Variants in PPFIA4 observed in about 807,000 individuals in gnomAD.
PPFIA4 encodes the protein PPFI scaffold protein A4.
In PPFIA4, 98 loss-of-function variants were observed where a neutral mutation model predicts 145.7. The observed-to-expected ratio is 0.67, with a 90% CI of 0.57 to 0.80. The LOEUF (loss-of-function observed/expected upper bound fraction) is 0.80. PPFIA4 is among the 30% of genes least tolerant of loss of function. The pLI, the probability that PPFIA4 is intolerant of heterozygous loss-of-function variation, is 0.00. For missense variants in PPFIA4, 1,457 were observed against 1,632.7 expected (o/e 0.89, Z 1.85); for synonymous variants, 628 against 649.6 (o/e 0.97, Z 0.51).
chr1:203,027,462 C>A (rs995831777), intron 1 of PPFIA4, among the ~76,000 whole-genome samples: 1 of 152,122 alleles, frequency 6.6e-6, no homozygotes. Context: ...GCTGATGTCA[C>A]CTTTGAGGAG....
intron 9 of PPFIA4, among the ~76,000 whole-genome samples, chr1:203,046,699 A>G (rs1660113477): frequency 6.7e-6 from 1 of 149,820 alleles, no homozygotes. Flanking sequence ...CGTCGTGGTG[A>G]ACACTTTCTT....
chr1:203,061,530 C>A, intron 23 of PPFIA4, 122 bp from the exon 24 acceptor site: 1 of 1,009,632 alleles, frequency 9.9e-7, no homozygotes, highest in Non-Finnish European at 1.4e-6. Flanking sequence ...GACGAGCTTT[C>A]CCCAGTCACC....
intron 17 of PPFIA4, 39 bp from the exon 18 acceptor site, chr1:203,056,336 C>A: frequency 6.2e-7 from 1 of 1,608,924 alleles, no homozygotes; most frequent in Non-Finnish European, 8.5e-7. Context: ...GGCCCGAGAT[C>A]TCTCCCTCTA....
Position 203,044,737 on chromosome 1 carries a change from G to T in PPFIA4, c.618G>T (p.Ala206=), listed in dbSNP as rs757998957. 1.3e-6 allele frequency: 2 copies of T among 1,565,580 alleles called. No individual in the cohort carries two copies. Among genetic ancestry groups the T allele is most frequent in the East Asian group, 4.7e-5 (2 of 42,548 alleles). The change falls in exon 6 of 30, where the codon GCG becomes GCT. Residue 206 remains alanine, a synonymous_variant. Coordinates refer to ENST00000295706, the MANE Select transcript of PPFIA4 (RefSeq NM_001304331.2). Reference sequence around the variant, plus strand: ...AGGGGGCAGGGGTGCGGGATGGAGCGGCAGAAGAGGAGGGGACTGTGGAGC... The same window carrying T: ...AGGGGGCAGGGGTGCGGGATGGAGCTGCAGAAGAGGAGGGGACTGTGGAGC... ...LQQGAGVRDG[A]AEEEGTVELG...
rs780863688 is a variant in PPFIA4 at position 203,045,969 on chromosome 1, G to T, written c.987G>T (p.Lys329Asn). The T allele has an allele frequency of 6.2e-6, 10 of 1,612,728 alleles. No homozygotes were observed. Among genetic ancestry groups the T allele is most frequent in the Non-Finnish European group, 6.8e-6 (8 of 1,179,870 alleles). The part of the protein sequence containing the change: ...NDKLENELAN[K>N]ESLHRQCEEK... ...AGCTGGAGAATGAGCTGGCCAACAA[G>T]GAGTCCCTGCACCGCCAGGTACCTC... is the stretch of plus-strand genomic sequence containing the variant. The change falls in exon 8 of 30, where the codon AAG (lysine) becomes AAT (asparagine). Residue 329 changes from lysine to asparagine, a missense_variant. Around this residue, in one of 3 missense-constraint regions of PPFIA4, gnomAD observed 463 missense variants for 459.8 expected, o/e 1.01. Coordinates refer to ENST00000295706, the MANE Select transcript of PPFIA4 (RefSeq NM_001304331.2).
chr1:203,048,769 G>A lies in PPFIA4; in HGVS notation c.1356+55G>A. On this transcript the variant is annotated intron_variant, in intron 11 of 29. Coordinates refer to ENST00000295706, the MANE Select transcript of PPFIA4 (RefSeq NM_001304331.2). The surrounding 1 kb of genome is among the most constrained non-coding windows in gnomAD (Gnocchi z 5.8). ...GAGGTTAGTGCTGGGTGTGGGGCGGGGGGAGGCGGGACTGTGATGGGCGCA... is the reference window on the plus strand; with the variant it reads ...GAGGTTAGTGCTGGGTGTGGGGCGGAGGGAGGCGGGACTGTGATGGGCGCA... 1 of 1,577,110 alleles carries A rather than the reference G, an allele frequency of 6.3e-7. No individual in the cohort carries two copies. Among genetic ancestry groups the A allele is most frequent in the East Asian group, 2.3e-5 (1 of 43,500 alleles).
At chr1:203,056,655 G>T in intron 18 of PPFIA4, 129 bp from the exon 19 acceptor site, 1 of 1,321,144 alleles carries the variant, frequency 7.6e-7, no homozygotes, top group Non-Finnish European at 1.0e-6. Flanking sequence ...GGGAGTTCAT[G>T]TGTCTCCTTT....
At chr1:203,051,484 T>G in intron 13 of PPFIA4, 2 of 646,814 alleles carry the variant, frequency 3.1e-6, no homozygotes, top group Admixed American at 4.6e-5. Context: ...AGCCACCAGT[T>G]GCATCGTAAG....
chr1:203,046,748 T>G (rs972544629), intron 9 of PPFIA4, among the ~76,000 whole-genome samples: 1 of 151,794 alleles, frequency 6.6e-6, no homozygotes, highest in African/African-American at 2.4e-5. Context: ...GACTTTCATC[T>G]CTGGAAAGGT....
At chr1:203,040,357 A>G (rs2102624713) in intron 2 of PPFIA4, among the ~76,000 whole-genome samples, 1 of 152,352 alleles carries the variant, frequency 6.6e-6, no homozygotes, top group Non-Finnish European at 1.5e-5. Flanking sequence ...GGAGCCGAAG[A>G]GCTCAAGCCT....
Position 203,043,548 on chromosome 1 carries a change from GTA to G in PPFIA4, c.336+52_336+53del. On this transcript the variant is annotated intron_variant, in intron 3 of 29. Coordinates refer to ENST00000295706, the MANE Select transcript of PPFIA4 (RefSeq NM_001304331.2). The surrounding 1 kb of genome is among the most constrained non-coding windows in gnomAD (Gnocchi z 4.4). ...CGCGCGCGCACGTGTGTGTGTGTGT[GTA>G]TGGGGGTGTGTTGTGAACACCTTGA... The G allele has an allele frequency of 7.0e-7, 1 of 1,422,876 alleles. No homozygotes were observed. The highest frequency in any genetic ancestry group is 9.7e-7 in the Non-Finnish European group (1 of 1,028,342). 88.1% of individuals were successfully genotyped at this position (1,422,876 alleles called of 1,614,324 possible).
At position 203,078,008 on chromosome 1, in the gene PPFIA4, G is replaced by C. The variant is rs564547842; in HGVS notation, c.*1618G>C. 1 of 152,430 alleles carries C rather than the reference G, an allele frequency of 6.6e-6. No homozygotes were observed. Among genetic ancestry groups the C allele is most frequent in the African/African-American group, 2.4e-5 (1 of 41,592 alleles). 9.4% of individuals were successfully genotyped at this position (152,430 alleles called of 1,614,324 possible). A position where few individuals can be genotyped will look rare whatever the true frequency, so the allele number is the denominator to read the frequency against. ...GTGAGATAATGGGCCAGGGCACCCA[G>C]TCCAGAAGGAGCAATGGCACCTGGG... is the stretch of plus-strand genomic sequence containing the variant. On this transcript the variant is annotated 3_prime_UTR_variant, in exon 30 of 30. Transcript: ENST00000295706.
chr1:203,032,822 G>C (rs912384237), intron 1 of PPFIA4, among the ~76,000 whole-genome samples: 2 of 152,092 alleles, frequency 1.3e-5, no homozygotes, highest in African/African-American at 4.8e-5. Flanking sequence ...TGAAACCTGT[G>C]TTCTGGTGTG....
intron 20 of PPFIA4, 55 bp downstream of exon 20, chr1:203,059,326 C>G: frequency 7.2e-7 from 1 of 1,379,876 alleles, no homozygotes; most frequent in Non-Finnish European, 1.0e-6. Context: ...CTACCCACTT[C>G]CCTTCCCCTG....
chr1:203,061,216 G>A (rs186183621), intron 23 of PPFIA4, 184 bp downstream of exon 23: 22 of 627,472 alleles, frequency 3.5e-5, no homozygotes, highest in Admixed American at 1.7e-4. Context: ...GGCTGGGAGC[G>A]GAGCAGTTTG....
intron 28 of PPFIA4, among the ~76,000 whole-genome samples, chr1:203,072,158 C>T (rs1662216610): frequency 6.6e-6 from 1 of 152,172 alleles, no homozygotes; most frequent in Non-Finnish European, 1.5e-5. Context: ...ACACCTCCAG[C>T]TTGCTCAGTA....
At position 203,076,347 on chromosome 1, in the gene PPFIA4, C is replaced by G; in HGVS notation, c.3581C>G (p.Ser1194Cys). 1 of 1,606,338 alleles carries G rather than the reference C, an allele frequency of 6.2e-7. No individual in the cohort carries two copies. The highest frequency in any genetic ancestry group is 8.5e-7 in the Non-Finnish European group (1 of 1,179,788). ...GTCTCTCTCTCTCCCTCAGCTCACTCCCACTATCTCTACGGACACATGCTC... is the reference window on the plus strand; with the variant it reads ...GTCTCTCTCTCTCCCTCAGCTCACTGCCACTATCTCTACGGACACATGCTC... ...PPKKIMPEAH[S>C]HYLYGHMLSA... The change falls in exon 30 of 30, where the codon TCC becomes TGC. Residue 1194 changes from serine (S) to cysteine (C), a missense_variant. By Grantham distance (112) the Ser-to-Cys change is moderately radical. Around this residue, in one of 3 missense-constraint regions of PPFIA4, gnomAD observed 146 missense variants for 126.2 expected, o/e 1.16. Coordinates refer to ENST00000295706, the MANE Select transcript of PPFIA4 (RefSeq NM_001304331.2).
In PPFIA4 at chr1:203,044,036, G is replaced by A. The variant is rs201184599; in HGVS notation, c.442G>A (p.Val148Met). ...AQSPSGVSSE[V>M]EVLKALKSLF... ...GTCACCTTCGGGGGTCTCCAGTGAG[G>A]TGGAGGTGCTGAAGGCCCTCAAGTC... The change falls in exon 4 of 30, where the codon GTG becomes ATG. Residue 148 changes from valine to methionine, a missense_variant. Val to Met is a conservative substitution (Grantham distance 21). Coordinates refer to ENST00000295706, the MANE Select transcript of PPFIA4 (RefSeq NM_001304331.2). 6 of 1,612,194 alleles carry A rather than the reference G, an allele frequency of 3.7e-6. No homozygotes were observed. Among genetic ancestry groups the A allele is most frequent in the Non-Finnish European group, 5.1e-6 (6 of 1,179,672 alleles).
chr1:203,038,007 G>C (rs1402247818), intron 1 of PPFIA4, among the ~76,000 whole-genome samples: 1 of 152,164 alleles, frequency 6.6e-6, no homozygotes, highest in Non-Finnish European at 1.5e-5. Context: ...GGGCAATGTA[G>C]CAGGTCAGGG....
Sources: gnomAD v4.1 joint callset for allele counts (sites outside exome capture counted in the v4.1 genomes callset) on GRCh38, gnomAD v4.1.1 for gene constraint, gnomAD v4.1.1 regional missense constraint, Gnocchi (gnomAD v3.1) non-coding constraint, MANE v1.5 for transcripts, NCBI Gene and HGNC (gene_info 2026-07-23, HGNC 2026-07-21) for gene names.